Variants in TAF5 observed in about 807,000 individuals in gnomAD.
The protein encoded by TAF5 is transcription initiation factor TFIID subunit 5.
In TAF5, 20 loss-of-function variants were observed where a neutral mutation model predicts 80.9. The ratio of observed to expected loss-of-function variants is 0.25; its 90% confidence interval spans 0.17 to 0.36. The LOEUF (loss-of-function observed/expected upper bound fraction) is 0.36. Ranked by LOEUF, TAF5 falls within the 10% of genes least tolerant of loss-of-function variation. TAF5 has a pLI of 1.00. For synonymous variants in TAF5, 388 were observed against 406.4 expected, an observed-to-expected ratio of 0.95 and a Z score of 0.55; for missense variants, 863 against 1,029.4, an observed-to-expected ratio of 0.84 and a Z score of 2.21.
At chr10:103,382,445 G>A (rs1322391003) in intron 6 of TAF5, among the ~76,000 whole-genome samples, 5 of 151,886 alleles carry the variant, frequency 3.3e-5, no homozygotes, top group Admixed American at 6.6e-5. Flanking sequence ...GGCTGGTCTC[G>A]AACTCCTGAC....
intron 7 of TAF5, among the ~76,000 whole-genome samples, chr10:103,384,148 C>G (rs562684779): frequency 6.6e-6 from 1 of 152,164 alleles, no homozygotes; most frequent in East Asian, 1.9e-4. Context: ...ATTAATCTTT[C>G]TATAATCAAA....
At chr10:103,370,180 C>T (rs1178443423) in intron 1 of TAF5, among the ~76,000 whole-genome samples, 1 of 150,902 alleles carries the variant, frequency 6.6e-6, no homozygotes, top group Non-Finnish European at 1.5e-5. Context: ...TGCAGTGAGC[C>T]AAGATTGCGC....
At position 103,374,351 on chromosome 10, in the gene TAF5, C is replaced by T. The variant is rs2093365869; in HGVS notation, c.797+756C>T. ...GGTTCTTCATTACCAGGGCCCCAAG[C>T]TCCCTCGGTCTTGTTGCTCTCTCAT... On this transcript the variant is annotated intron_variant, in intron 2 of 10. Coordinates refer to ENST00000369839, the MANE Select transcript of TAF5 (RefSeq NM_006951.5). This position sits in a 1 kb window ranked among gnomAD's most constrained non-coding sequence, Gnocchi z 4.3. Among the ~76,000 whole-genome samples the T allele has an allele frequency of 6.6e-6, 1 of 152,200 alleles. No homozygotes were observed. Among genetic ancestry groups the T allele is most frequent in the Non-Finnish European group, 1.5e-5 (1 of 68,040 alleles).
At chr10:103,379,383 G>C (rs1020664396) in intron 3 of TAF5, among the ~76,000 whole-genome samples, 10 of 152,198 alleles carry the variant, frequency 6.6e-5, no homozygotes, top group Non-Finnish European at 1.2e-4. Context: ...AGCTGAAAGG[G>C]AGCCTGGGAA....
chr10:103,384,529 G>A (rs570638277), intron 7 of TAF5, among the ~76,000 whole-genome samples: 1 of 152,274 alleles, frequency 6.6e-6, no homozygotes, highest in South Asian at 2.1e-4. Flanking sequence ...TACTTGGGAG[G>A]CCGAGGCAGG....
At chr10:103,380,583 C>G (rs1237410405) in intron 5 of TAF5, among the ~76,000 whole-genome samples, 1 of 151,888 alleles carries the variant, frequency 6.6e-6, no homozygotes, top group East Asian at 1.9e-4. Flanking sequence ...TTCTGTTGAA[C>G]TTGGTTTAAG....
intron 2 of TAF5, among the ~76,000 whole-genome samples, chr10:103,376,240 C>T (rs935331985): frequency 6.6e-6 from 1 of 151,808 alleles, no homozygotes; most frequent in Non-Finnish European, 1.5e-5. Context: ...TACAGGCATG[C>T]ATCACCATGC....
intron 1 of TAF5, among the ~76,000 whole-genome samples, chr10:103,371,803 A>G (rs1279290010): frequency 6.6e-6 from 1 of 152,200 alleles, no homozygotes; most frequent in Non-Finnish European, 1.5e-5. Context: ...ACTGCAGTGC[A>G]TGGCTTGGTC....
chr10:103,379,658 C>A lies in TAF5; in HGVS notation c.1164C>A (p.Asp388Glu), dbSNP rs34045284. Reference sequence around the variant, plus strand: ...CAGAAATTGAGGTACCTTTGGATGACGAGGATGAAGAGGGAGAAAATGAAG... The same window carrying A: ...CAGAAATTGAGGTACCTTTGGATGAAGAGGATGAAGAGGGAGAAAATGAAG... ...KEPEIEVPLD[D>E]EDEEGENEEG... Residue 388 changes from aspartate to glutamate, a missense_variant, in exon 4 of 11, where the codon GAC (aspartate) becomes GAA (glutamate). This residue lies in a region of TAF5 where 128 missense variants were observed against 232.2 expected (regional missense o/e 0.55). Coordinates refer to ENST00000369839, the MANE Select transcript of TAF5 (RefSeq NM_006951.5). 1 of 1,604,088 alleles carries A rather than the reference C, an allele frequency of 6.2e-7. No homozygotes were observed. The highest frequency in any genetic ancestry group is 1.4e-5 in the African/African-American group (1 of 74,060).
At chr10:103,379,851 A>G (rs1451283213) in intron 4 of TAF5, 33 bp from the exon 5 acceptor site, 1 of 1,605,682 alleles carries the variant, frequency 6.2e-7, no homozygotes, top group African/African-American at 1.3e-5. Flanking sequence ...TTAATAGTCA[A>G]AAGGTAATTT....
At position 103,383,250 on chromosome 10, in the gene TAF5, T is replaced by C; in HGVS notation, c.1547T>C (p.Ile516Thr). The change falls in exon 7 of 11, where the codon ATA becomes ACA. Residue 516 changes from isoleucine to threonine, a missense_variant. Ile to Thr is a moderately conservative substitution (Grantham distance 89). Around this residue, in one of 3 missense-constraint regions of TAF5, gnomAD observed 368 missense variants for 461.7 expected, o/e 0.80. Coordinates refer to ENST00000369839, the MANE Select transcript of TAF5 (RefSeq NM_006951.5). The stretch of plus-strand genomic sequence containing the variant: ...TGGACCATTTTAGATCTTAGTCTTA[T>C]AGACAAAGAATCAGATGATGTCTTA... ...SVKQASDLSL[I>T]DKESDDVLER... is the part of the protein sequence containing the mutation. The C allele has an allele frequency of 3.2e-6, 5 of 1,579,746 alleles. No individual in the cohort carries two copies. Among genetic ancestry groups the C allele is most frequent in the Non-Finnish European group, 3.4e-6 (4 of 1,169,514 alleles).
At chr10:103,376,873 A>G (rs2093371312) in intron 2 of TAF5, among the ~76,000 whole-genome samples, 1 of 152,170 alleles carries the variant, frequency 6.6e-6, no homozygotes, top group African/African-American at 2.4e-5. Context: ...GTGAAACCCC[A>G]TCTCTACTCA....
chr10:103,377,941 G>T (rs2093373467), intron 2 of TAF5, among the ~76,000 whole-genome samples: 2 of 152,068 alleles, frequency 1.3e-5, no homozygotes, highest in African/African-American at 4.8e-5. Flanking sequence ...CCATTCTAAA[G>T]AAACTGTCTA....
At chr10:103,373,938 G>A (rs571889834) in intron 2 of TAF5, among the ~76,000 whole-genome samples, 1 of 152,286 alleles carries the variant, frequency 6.6e-6, no homozygotes, top group South Asian at 2.1e-4. Context: ...CAGGGTAGCT[G>A]GAGCAGAGAA....
chr10:103,375,802 A>T (rs2093368877), intron 2 of TAF5, among the ~76,000 whole-genome samples: 1 of 152,062 alleles, frequency 6.6e-6, no homozygotes, highest in Non-Finnish European at 1.5e-5. Flanking sequence ...TCATGCCTGT[A>T]ATCCCAGCAC....
chr10:103,385,698 A>T (rs113176372), intron 8 of TAF5, among the ~76,000 whole-genome samples: 27 of 150,506 alleles, frequency 1.8e-4, no homozygotes, highest in African/African-American at 6.6e-4. Context: ...GCCGAGGTGG[A>T]TGGATCACCT....
At chr10:103,370,213 T>C (rs2093356096) in intron 1 of TAF5, among the ~76,000 whole-genome samples, 1 of 150,858 alleles carries the variant, frequency 6.6e-6, no homozygotes, top group African/African-American at 2.4e-5. Context: ...ACCTGGGTGA[T>C]AGAACGAGAC....
At chr10:103,380,131 CTT>C (rs878890345) in intron 5 of TAF5, 112 bp downstream of exon 5, 5,932 of 968,020 alleles carry the variant, frequency 6.1e-3, no homozygotes, top group South Asian at 0.01. Flanking sequence ...ATTTAAACTC[CTT>C]TTTTTTTTTT....
At chr10:103,379,836 G>T (rs891276586) in intron 4 of TAF5, 48 bp from the exon 5 acceptor site, 2 of 1,603,374 alleles carry the variant, frequency 1.2e-6, no homozygotes, top group Admixed American at 1.8e-5. Flanking sequence ...TAGAGTTCAA[G>T]TTTGTTAATA....
Sources: allele counts gnomAD v4.1 joint callset (sites outside exome capture counted in the v4.1 genomes callset), GRCh38; gene constraint gnomAD v4.1.1; regional missense constraint gnomAD v4.1.1; non-coding constraint Gnocchi (gnomAD v3.1); transcripts MANE v1.5; gene names NCBI Gene and HGNC (gene_info 2026-07-23, HGNC 2026-07-21).